JAG1: variants seen among roughly 807,000 people sequenced by gnomAD.
JAG1 encodes the protein jagged canonical Notch ligand 1, also known as protein jagged-1.
Under a neutral mutation model 148.7 loss-of-function variants are expected in JAG1, and 23 were observed. The observed-to-expected ratio is 0.15, with a 90% CI of 0.11 to 0.22. The LOEUF is 0.22. Ranked by LOEUF, JAG1 falls within the 10% of genes least tolerant of loss-of-function variation. JAG1 has a pLI of 1.00. For missense variants in JAG1, 1,054 were observed against 1,611.2 expected (o/e 0.65, Z 5.92); for synonymous variants, 572 against 598.3 (o/e 0.96, Z 0.64).
chr20:10,658,368 C>T lies in JAG1; in HGVS notation c.694+100G>A. 8 of 1,512,954 alleles carry T rather than the reference C, an allele frequency of 5.3e-6. No homozygotes were observed. The Admixed American group carries it at 1.2e-4, about 22-fold the overall frequency. 93.7% of individuals were successfully genotyped at this position (1,512,954 alleles called of 1,614,324 possible). A position where few individuals can be genotyped will look rare whatever the true frequency, so the allele number is the denominator to read the frequency against. On this transcript the variant is annotated intron_variant, in intron 4 of 25. Transcript: ENST00000254958. ...GCCCAGAATAACAGCCAAAATCCCA[C>T]CCCACCTGAGATAGCCGCATGCCAC... is the stretch of plus-strand genomic sequence containing the variant.
intron 21 of JAG1, 149 bp downstream of exon 21, chr20:10,642,339 G>A: frequency 1.4e-6 from 1 of 693,512 alleles, no homozygotes; most frequent in South Asian, 1.5e-5. Flanking sequence ...CCTGTTTTGG[G>A]GAAGACTCTT....
chr20:10,646,921 C>A lies in JAG1; in HGVS notation c.1885+18G>T. 1 of 1,613,628 alleles carries A rather than the reference C, an allele frequency of 6.2e-7. No homozygotes were observed. The highest frequency in any genetic ancestry group is 8.5e-7 in the Non-Finnish European group (1 of 1,179,620). ...AGGCTGGGGAGCACTGGTCCATTCC[C>A]GGATGAGGGAGTCTTACTTTCATGG... On this transcript the variant is annotated intron_variant, in intron 14 of 25. Transcript: ENST00000254958.
chr20:10,668,566 C>T (rs1223443235), intron 2 of JAG1, among the ~76,000 whole-genome samples: 1 of 152,176 alleles, frequency 6.6e-6, no homozygotes, highest in Non-Finnish European at 1.5e-5. Flanking sequence ...ACTTCTGGCC[C>T]TTCTACAATG....
intron 3 of JAG1, among the ~76,000 whole-genome samples, chr20:10,659,650 C>T (rs2067402775): frequency 7.1e-6 from 1 of 140,662 alleles, no homozygotes; most frequent in African/African-American, 2.6e-5. Context: ...GAACTTGATG[C>T]ATTCCACCTT....
At position 10,663,877 on chromosome 20, in the gene JAG1, A is replaced by G. The variant is rs184638975; in HGVS notation, c.439+86T>C. 1.9e-3 allele frequency: 1,957 copies of G among 1,028,728 alleles called. 7 individuals are homozygous for G. The highest frequency in any genetic ancestry group is 0.011 in the Middle Eastern group (53 of 4,930). 63.7% of individuals were successfully genotyped at this position (1,028,728 alleles called of 1,614,324 possible). On this transcript the variant is annotated intron_variant, in intron 3 of 25. Transcript: ENST00000254958. Reference sequence around the variant, plus strand: ...AGAGGTGGCAGAAATGCTAAGTACTAAGGAGACAGATCCAGCTCCAACTGG... The same window carrying G: ...AGAGGTGGCAGAAATGCTAAGTACTGAGGAGACAGATCCAGCTCCAACTGG...
In JAG1 at chr20:10,647,909, GA is replaced by G. The variant is rs768577915; in HGVS notation, c.1720+50del. 7.4e-5 allele frequency: 118 copies of G among 1,600,586 alleles called. 2 individuals carry two copies. The South Asian group carries it at 1.3e-3, about 17-fold the overall frequency. On this transcript the variant is annotated intron_variant, in intron 13 of 25. Transcript: ENST00000254958. ...ACAAGGGGCAGTGGTAGTAAGTGGG[GA>G]CAAAAGGAGCAAGTCTGGAGACAGC...
intron 13 of JAG1, 69 bp downstream of exon 13, chr20:10,647,891 G>A (rs953889850): frequency 6.7e-7 from 1 of 1,496,658 alleles, no homozygotes; most frequent in South Asian, 1.1e-5. Flanking sequence ...GTAACAAGGG[G>A]CAGTGGTAGT....
At chr20:10,657,088 G>A (rs1316938551) in intron 4 of JAG1, among the ~76,000 whole-genome samples, 1 of 152,124 alleles carries the variant, frequency 6.6e-6, no homozygotes, top group East Asian at 1.9e-4. Context: ...TCTAAGACCA[G>A]GCAACAGTGG....
In JAG1 at chr20:10,651,627, A is replaced by G; in HGVS notation, c.1074T>C (p.Phe358=). The G allele has an allele frequency of 6.2e-7, 1 of 1,614,086 alleles. No individual in the cohort carries two copies. ...RGSCKETSLG[F]ECECSPGWTG... is the part of the protein sequence containing the mutation. ...TCCAGCCTGGGGAACACTCACACTCAAAGCCCAGGGAGGTCTCCTTACAGC... is the reference window on the plus strand; with the variant it reads ...TCCAGCCTGGGGAACACTCACACTCGAAGCCCAGGGAGGTCTCCTTACAGC... The change falls in exon 8 of 26, where the codon TTT becomes TTC. Residue 358 remains phenylalanine, a synonymous_variant. Coordinates refer to ENST00000254958, the MANE Select transcript of JAG1 (RefSeq NM_000214.3).
chr20:10,644,930 A>G lies in JAG1; in HGVS notation c.2277T>C (p.Cys759=). The change falls in exon 18 of 26, where the codon TGT becomes TGC. Residue 759 remains cysteine (C), a synonymous_variant. Coordinates refer to ENST00000254958, the MANE Select transcript of JAG1 (RefSeq NM_000214.3). ...ACGTAAAGGACTCGCCGTTGACCAC[A>G]CATGTGCCCCCATTATGGCAGGGGT... ...LPNPCHNGGT[C]VVNGESFTCV... is the part of the protein sequence containing the mutation. 3.1e-6 allele frequency: 5 copies of G among 1,614,084 alleles called. No homozygotes were observed. Among genetic ancestry groups the G allele is most frequent in the Non-Finnish European group, 4.2e-6 (5 of 1,179,998 alleles).
At chr20:10,668,366 C>A (rs950746367) in intron 2 of JAG1, among the ~76,000 whole-genome samples, 2 of 152,176 alleles carry the variant, frequency 1.3e-5, no homozygotes, top group African/African-American at 4.8e-5. Flanking sequence ...AGAGTCACTT[C>A]TCTCAGCAGC....
intron 11 of JAG1, 94 bp downstream of exon 11, chr20:10,648,967 A>T: frequency 1.8e-6 from 2 of 1,131,190 alleles, no homozygotes; most frequent in Non-Finnish European, 2.7e-6. Flanking sequence ...CCAAATTTTT[A>T]AATCTCACAG....
chr20:10,644,431 CG>C, intron 18 of JAG1, 47 bp from the exon 19 acceptor site: 1 of 1,508,168 alleles, frequency 6.6e-7, no homozygotes, highest in Non-Finnish European at 9.2e-7. Flanking sequence ...ACAGGGAAAG[CG>C]GTCTTAGCCC....
chr20:10,660,015 AC>A (rs538849322), intron 3 of JAG1, among the ~76,000 whole-genome samples: 95 of 152,244 alleles, frequency 6.2e-4, no homozygotes, highest in African/African-American at 2.2e-3. Flanking sequence ...ACTCTTCATC[AC>A]CTTGTCAAAT....
At position 10,639,756 on chromosome 20, in the gene JAG1, C is replaced by T. The variant is rs780936422; in HGVS notation, c.3399G>A (p.Thr1133=). 15 of 1,613,874 alleles carry T rather than the reference C, an allele frequency of 9.3e-6. No individual in the cohort carries two copies. Among genetic ancestry groups the T allele is most frequent in the Middle Eastern group, 3.3e-4 (2 of 6,082 alleles). The change falls in exon 26 of 26, where the codon ACG becomes ACA. Residue 1133 remains threonine, a synonymous_variant. Coordinates refer to ENST00000254958, the MANE Select transcript of JAG1 (RefSeq NM_000214.3). Reference sequence around the variant, plus strand: ...TGTTCTCATAATCCTTGATGGGGACCGTGTTGGCCCCATGTTTCTCAATGG... The same window carrying T: ...TGTTCTCATAATCCTTGATGGGGACTGTGTTGGCCCCATGTTTCTCAATGG... ...KNPIEKHGAN[T]VPIKDYENKN... is the part of the protein sequence containing the mutation.
At chr20:10,650,741 T>C (rs537270367) in intron 8 of JAG1, 15 of 281,740 alleles carry the variant, frequency 5.3e-5, no homozygotes, top group South Asian at 5.2e-4. Context: ...GTGGAAAACC[T>C]TATTCCTCTC....
intron 11 of JAG1, 149 bp downstream of exon 11, chr20:10,648,912 G>T: frequency 1.1e-6 from 1 of 877,378 alleles, no homozygotes; most frequent in Non-Finnish European, 1.9e-6. Context: ...ACGAGGCTGG[G>T]GTAACATAAG....
At position 10,639,467 on chromosome 20, in the gene JAG1, T is replaced by C; in HGVS notation, c.*31A>G. 3 of 1,581,918 alleles carry C rather than the reference T, an allele frequency of 1.9e-6. No homozygotes were observed. The highest frequency in any genetic ancestry group is 2.6e-6 in the Non-Finnish European group (3 of 1,150,416). ...TTTAAAGAACTACAAGCCCTCAGACTCTACCTAGCGGCGGCAGTGCCCGCG... is the reference window on the plus strand; with the variant it reads ...TTTAAAGAACTACAAGCCCTCAGACCCTACCTAGCGGCGGCAGTGCCCGCG... On this transcript the variant is annotated 3_prime_UTR_variant, in exon 26 of 26. Transcript: ENST00000254958.
intron 5 of JAG1, 41 bp downstream of exon 5, chr20:10,656,357 G>A (rs759305721): frequency 1.3e-6 from 2 of 1,521,832 alleles, no homozygotes; most frequent in East Asian, 4.5e-5. Flanking sequence ...CTTACATAAA[G>A]GAAAATTAAA....
Sources: gnomAD v4.1 joint callset for allele counts (sites outside exome capture counted in the v4.1 genomes callset) on GRCh38, gnomAD v4.1.1 for gene constraint, MANE v1.5 for transcripts, NCBI Gene and HGNC (gene_info 2026-07-23, HGNC 2026-07-21) for gene names.